The following RSBN1L variants were observed in gnomAD, a reference collection of about 807,000 sequenced individuals.
The protein encoded by RSBN1L is lysine-specific demethylase RSBN1L.
A neutral mutation model predicts 67.7 loss-of-function variants in RSBN1L; 30 were observed. The observed-to-expected ratio is 0.44, with a 90% CI of 0.33 to 0.60. The LOEUF is 0.60. Among genes scored for constraint, RSBN1L ranks in the 20% least tolerant of loss-of-function variants. RSBN1L has a pLI of 0.02. For missense variants in RSBN1L, 992 were observed against 1,031.7 expected (o/e 0.96, Z 0.53); for synonymous variants, 433 against 387.0 (o/e 1.12, Z -1.39).
intron 1 of RSBN1L, among the ~76,000 whole-genome samples, chr7:77,723,760 C>T (rs756505956): frequency 1.3e-5 from 2 of 152,036 alleles, no homozygotes; most frequent in African/African-American, 4.8e-5. Context: ...ATGGTGAAAC[C>T]CAGTATCTAC....
At chr7:77,741,786 C>T (rs1420738041) in intron 2 of RSBN1L, among the ~76,000 whole-genome samples, 1 of 151,808 alleles carries the variant, frequency 6.6e-6, no homozygotes, top group Non-Finnish European at 1.5e-5. Context: ...TTTAAAATGG[C>T]CTTTTTCCTT....
At chr7:77,745,754 A>G (rs1017892753) in intron 2 of RSBN1L, among the ~76,000 whole-genome samples, 1 of 152,208 alleles carries the variant, frequency 6.6e-6, no homozygotes, top group Non-Finnish European at 1.5e-5. Context: ...ATTATACATT[A>G]TAATATGTAA....
At chr7:77,708,951 G>A (rs964655610) in intron 1 of RSBN1L, among the ~76,000 whole-genome samples, 2 of 152,094 alleles carry the variant, frequency 1.3e-5, no homozygotes, top group African/African-American at 4.8e-5. Flanking sequence ...TAGCAAGAAA[G>A]AAGGATTCAT....
intron 1 of RSBN1L, among the ~76,000 whole-genome samples, chr7:77,722,968 C>CT (rs71531006): frequency 0.39 from 51,938 of 132,260 alleles, 10,638 homozygotes; most frequent in African/African-American, 0.5. Flanking sequence ...TTTCTCTCTT[C>CT]TTTTTTTTTT....
Position 77,750,011 on chromosome 7 carries a change from A to G in RSBN1L, c.1291A>G (p.Ile431Val), listed in dbSNP as rs758103639. ...TCCCAATTCACCAGTGAAAATGGAG[A>G]TATTGGGAAAGAAAGATATAGAGAC... ...NFPNSPVKME[I>V]LGKKDIETTT... is the part of the protein sequence containing the mutation. Residue 431 changes from isoleucine to valine, a missense_variant, in exon 3 of 8, where the codon ATA becomes GTA. By Grantham distance (29) the Ile-to-Val change is conservative (BLOSUM62 3). Transcript: ENST00000334955. The G allele has an allele frequency of 4.3e-6, 7 of 1,612,810 alleles. No homozygotes were observed. Among genetic ancestry groups the G allele is most frequent in the African/African-American group, 1.3e-5 (1 of 74,810 alleles).
chr7:77,747,692 C>T (rs1184750719), intron 2 of RSBN1L, among the ~76,000 whole-genome samples: 1 of 152,222 alleles, frequency 6.6e-6, no homozygotes, highest in Non-Finnish European at 1.5e-5. Flanking sequence ...GAATGGAGCT[C>T]TCATGGAGAA....
chr7:77,746,847 A>C (rs1791490711), intron 2 of RSBN1L, among the ~76,000 whole-genome samples: 1 of 152,238 alleles, frequency 6.6e-6, no homozygotes. Context: ...CAGGGCAGTC[A>C]TTAAACCTTA....
At chr7:77,715,552 G>A (rs972392776) in intron 1 of RSBN1L, among the ~76,000 whole-genome samples, 1 of 152,050 alleles carries the variant, frequency 6.6e-6, no homozygotes, top group Admixed American at 6.6e-5. Context: ...CAAGTGATTC[G>A]CCTGCCGTAG....
intron 1 of RSBN1L, among the ~76,000 whole-genome samples, chr7:77,723,749 C>G (rs1791153754): frequency 6.6e-6 from 1 of 152,118 alleles, no homozygotes; most frequent in African/African-American, 2.4e-5. Flanking sequence ...GCCTGGCCAG[C>G]ATGGTGAAAC....
intron 1 of RSBN1L, among the ~76,000 whole-genome samples, chr7:77,700,075 G>C (rs148414807): frequency 6.6e-6 from 1 of 152,144 alleles, no homozygotes; most frequent in East Asian, 1.9e-4. Context: ...GATTACAGGC[G>C]TGAGCCACCG....
At chr7:77,759,257 TC>T (rs1477130497) in intron 3 of RSBN1L, among the ~76,000 whole-genome samples, 1 of 152,118 alleles carries the variant, frequency 6.6e-6, no homozygotes, top group African/African-American at 2.4e-5. Flanking sequence ...TGCCCCATGC[TC>T]CCCAAATACT....
rs549206791 is a variant in RSBN1L at position 77,763,220 on chromosome 7, C to T, written c.1345-2275C>T. 1.6e-4 allele frequency among the ~76,000 whole-genome samples: 23 copies of T among 143,780 alleles called. No individual in the cohort carries two copies. In the South Asian group the frequency reaches 4.1e-3, roughly 26 times the overall value. The allele number at this position is 143,780 out of a possible 152,430, so 94.3% of individuals were successfully genotyped here. On this transcript the variant is annotated intron_variant, in intron 3 of 7. Transcript: ENST00000334955. ...TCTTGAACTCCTGGGCTCAAGTGAT[C>T]CTCTTGCCTCTGCCTTCTGGGTAGC... is the stretch of plus-strand genomic sequence containing the variant.
At chr7:77,714,975 A>G (rs1791027083) in intron 1 of RSBN1L, among the ~76,000 whole-genome samples, 4 of 151,856 alleles carry the variant, frequency 2.6e-5, no homozygotes, top group Admixed American at 2.0e-4. Context: ...AAAAAAAAAA[A>G]AAAATCTTGT....
At chr7:77,753,006 T>G (rs115208666) in intron 3 of RSBN1L, among the ~76,000 whole-genome samples, 1,900 of 152,344 alleles carry the variant, frequency 0.012, 39 homozygotes, top group African/African-American at 0.043. Flanking sequence ...TCCACTGTGT[T>G]AGTATACCAG....
At chr7:77,735,493 C>G (rs911201523) in intron 1 of RSBN1L, among the ~76,000 whole-genome samples, 2 of 152,084 alleles carry the variant, frequency 1.3e-5, no homozygotes, top group African/African-American at 4.8e-5. Context: ...GTAATCTAAT[C>G]ACTACATGAT....
Position 77,738,316 on chromosome 7 carries a change from A to T in RSBN1L, c.703+1790A>T, listed in dbSNP as rs190219573. On this transcript the variant is annotated intron_variant, in intron 2 of 7. Coordinates refer to ENST00000334955, the MANE Select transcript of RSBN1L (RefSeq NM_198467.3). ...AAAATTGAGATTTTTAAAAAATGAA[A>T]TATACGATATTAACTTTGAAGTAGA... Among the ~76,000 whole-genome samples the T allele has an allele frequency of 5.6e-3, 853 of 152,348 alleles. 8 individuals carry two copies. The highest frequency in any genetic ancestry group is 0.019 in the African/African-American group (808 of 41,576).
intron 1 of RSBN1L, among the ~76,000 whole-genome samples, chr7:77,726,177 G>A (rs935647210): frequency 3.3e-5 from 5 of 152,084 alleles, no homozygotes; most frequent in South Asian, 2.1e-4. Flanking sequence ...TTTCTAGCAC[G>A]TTTATCATAG....
At chr7:77,740,616 A>G (rs1457556521) in intron 2 of RSBN1L, among the ~76,000 whole-genome samples, 3 of 152,240 alleles carry the variant, frequency 2.0e-5, no homozygotes, top group East Asian at 1.9e-4. Context: ...TATAAATTTT[A>G]TAAATTTTTC....
intron 1 of RSBN1L, among the ~76,000 whole-genome samples, chr7:77,714,194 T>C (rs1315168965): frequency 2.6e-5 from 4 of 152,242 alleles, no homozygotes; most frequent in South Asian, 2.1e-4. Context: ...GATATTCTTA[T>C]TCAGAATTTT....
Sources: gnomAD v4.1 joint callset for allele counts (sites outside exome capture counted in the v4.1 genomes callset) on GRCh38, gnomAD v4.1.1 for gene constraint, MANE v1.5 for transcripts, NCBI Gene and HGNC (gene_info 2026-07-23, HGNC 2026-07-21) for gene names.